SLC26A4: variants seen among roughly 807,000 people sequenced by gnomAD.
SLC26A4 encodes pendrin.
A neutral mutation model predicts 90.4 loss-of-function variants in SLC26A4; 93 were observed. The ratio of observed to expected loss-of-function variants is 1.03; its 90% CI spans 0.87 to 1.22. The LOEUF is 1.22. Ranked by LOEUF, SLC26A4 falls within the 50% of genes most tolerant of loss-of-function variation. SLC26A4 has a pLI of 0.00. For missense variants in SLC26A4, 1,127 were observed against 946.2 expected (o/e 1.19, Z -2.51); for synonymous variants, 393 against 354.6 (o/e 1.11, Z -1.22).
chr7:107,715,960 T>C lies in SLC26A4; in HGVS notation c.*514T>C, dbSNP rs1157771876. 6.5e-6 allele frequency: 1 copy of C among 155,006 alleles called. No individual in the cohort carries two copies. The highest frequency in any genetic ancestry group is 1.4e-5 in the Non-Finnish European group (1 of 69,600). The allele number at this position is 155,006 out of a possible 1,614,324, so 9.6% of individuals were successfully genotyped here. The stretch of plus-strand genomic sequence containing the variant: ...TACTTTGGATAATAAATTGGAGTTT[T>C]AAAAATGCAAATTTGCTTAGTATCT... On this transcript the variant is annotated 3_prime_UTR_variant, in exon 21 of 21. Transcript: ENST00000644269.
rs533011328 is a variant in SLC26A4 at position 107,693,943 on chromosome 7, G to A, written c.1264-460G>A. Among the ~76,000 whole-genome samples, 257 of 152,300 alleles carry A rather than the reference G, an allele frequency of 1.7e-3. 1 individual carries two copies. The highest frequency in any genetic ancestry group is 3.7e-3 in the Admixed American group (56 of 15,292). On this transcript the variant is annotated intron_variant, in intron 10 of 20. Transcript: ENST00000644269. Reference sequence around the variant, plus strand: ...ACAAGTACGAAGTGTTATCAGAGTTGCTATTATAGCTGCAGCTTCAATAAT... The same window carrying A: ...ACAAGTACGAAGTGTTATCAGAGTTACTATTATAGCTGCAGCTTCAATAAT...
chr7:107,674,912 C>T, intron 5 of SLC26A4, 33 bp from the exon 6 acceptor site: 1 of 1,605,280 alleles, frequency 6.2e-7, no homozygotes, highest in East Asian at 2.2e-5. Context: ...CTCAGGCAAA[C>T]ATTTAATTTT....
intron 3 of SLC26A4, 132 bp downstream of exon 3, chr7:107,663,567 G>A: frequency 1.0e-6 from 1 of 977,998 alleles, no homozygotes; most frequent in Non-Finnish European, 1.6e-6. Flanking sequence ...CCCCTTAGTG[G>A]AGAGAGTCAC....
intron 10 of SLC26A4, 89 bp from the exon 11 acceptor site, chr7:107,694,314 G>C: frequency 1.1e-6 from 1 of 946,366 alleles, no homozygotes; most frequent in Non-Finnish European, 1.7e-6. Flanking sequence ...GTGTGTCTGT[G>C]AACAGGCTGT....
At chr7:107,670,687 A>C (rs1216449057) in intron 3 of SLC26A4, among the ~76,000 whole-genome samples, 3 of 152,176 alleles carry the variant, frequency 2.0e-5, no homozygotes, top group Non-Finnish European at 4.4e-5. Context: ...CAGCATATTC[A>C]GGCTGTTGCC....
At chr7:107,670,769 A>AT (rs747654026) in intron 3 of SLC26A4, among the ~76,000 whole-genome samples, 22 of 152,196 alleles carry the variant, frequency 1.4e-4, no homozygotes, top group Non-Finnish European at 2.9e-4. Context: ...ATTTTCTCTC[A>AT]TTGTGAGTGA....
In SLC26A4 at chr7:107,694,449, C is replaced by A. The variant is rs778968026; in HGVS notation, c.1310C>A (p.Ala437Asp). ...SAAIVMIAIL[A>D]LGKLLEPLQK... ...GCGATTGTGATGATCGCCATTCTTG[C>A]CCTGGGGAAGCTTCTGGAACCCTTG... is the stretch of plus-strand genomic sequence containing the variant. The change falls in exon 11 of 21, where the codon GCC becomes GAC. Residue 437 changes from alanine (A) to aspartate (D), a missense_variant. By Grantham distance (126) the Ala-to-Asp change is moderately radical (BLOSUM62 -2). Coordinates refer to ENST00000644269, the MANE Select transcript of SLC26A4 (RefSeq NM_000441.2). 6.2e-7 allele frequency: 1 copy of A among 1,613,624 alleles called. No homozygotes were observed. The highest frequency in any genetic ancestry group is 1.7e-5 in the Admixed American group (1 of 59,980).
At chr7:107,713,638 C>T (rs76784711) in intron 20 of SLC26A4, among the ~76,000 whole-genome samples, 2,184 of 152,306 alleles carry the variant, frequency 0.014, 41 homozygotes, top group African/African-American at 0.05. Context: ...GGAGATTATT[C>T]AACCATGACC....
intron 3 of SLC26A4, among the ~76,000 whole-genome samples, chr7:107,670,025 A>T (rs987730875): frequency 1.3e-5 from 2 of 152,070 alleles, no homozygotes; most frequent in African/African-American, 4.8e-5. Context: ...TAGATGATGG[A>T]TACATGAAAG....
chr7:107,717,154 G>C lies in SLC26A4; in HGVS notation c.*1708G>C, dbSNP rs1183087575. Reference sequence around the variant, plus strand: ...GGGTGGATCACGAGGTCAGGAGATCGAGACCATCCTGGCTAACATGGTAAA... The same window carrying C: ...GGGTGGATCACGAGGTCAGGAGATCCAGACCATCCTGGCTAACATGGTAAA... On this transcript the variant is annotated 3_prime_UTR_variant, in exon 21 of 21. Transcript: ENST00000644269. The C allele has an allele frequency of 1.3e-5, 2 of 152,014 alleles. No homozygotes were observed. Among genetic ancestry groups the C allele is most frequent in the Non-Finnish European group, 2.9e-5 (2 of 68,016 alleles). 9.4% of individuals were successfully genotyped at this position (152,014 alleles called of 1,614,324 possible).
At chr7:107,690,333 T>G in intron 10 of SLC26A4, 96 bp downstream of exon 10, 1 of 804,750 alleles carries the variant, frequency 1.2e-6, no homozygotes. Context: ...ACAATTTGCC[T>G]TTCAGACTTG....
intron 16 of SLC26A4, among the ~76,000 whole-genome samples, 160 bp downstream of exon 16, chr7:107,701,356 C>A (rs113982162): frequency 2.0e-5 from 3 of 152,156 alleles, no homozygotes; most frequent in African/African-American, 7.2e-5. Context: ...TATAGGCAAG[C>A]GGGAGTGGAA....
intron 6 of SLC26A4, among the ~76,000 whole-genome samples, chr7:107,681,489 C>T (rs1010201501): frequency 5.9e-5 from 9 of 152,014 alleles, no homozygotes; most frequent in Admixed American, 3.3e-4. Context: ...AAGTAAAATA[C>T]ATTTTATAAA....
At chr7:107,708,497 T>A (rs918843475) in intron 18 of SLC26A4, among the ~76,000 whole-genome samples, 1 of 152,164 alleles carries the variant, frequency 6.6e-6, no homozygotes, top group Non-Finnish European at 1.5e-5. Flanking sequence ...ATTTCCTTCA[T>A]AAGTCCATAT....
intron 12 of SLC26A4, 60 bp from the exon 13 acceptor site, chr7:107,695,873 A>T: frequency 3.4e-6 from 3 of 881,588 alleles, no homozygotes; most frequent in Admixed American, 1.7e-5. Flanking sequence ...ATAGGTAGTT[A>T]TCACATGATG....
rs1204924500 is a variant in SLC26A4 at position 107,714,141 on chromosome 7, G to T, written c.2320-1282G>T. On this transcript the variant is annotated intron_variant, in intron 20 of 20. Transcript: ENST00000644269. ...GGGTTTTGCCATGTTGTCCAGGCTG[G>T]TCTTGAACTCCTGACCTCAAGTAAT... 2.6e-5 allele frequency among the ~76,000 whole-genome samples: 4 copies of T among 152,004 alleles called. No individual in the cohort carries two copies. In the East Asian group the frequency reaches 7.7e-4, roughly 29 times the overall value.
intron 6 of SLC26A4, among the ~76,000 whole-genome samples, chr7:107,680,172 CTTA>C (rs1174713840): frequency 4.4e-5 from 5 of 114,712 alleles, no homozygotes; most frequent in African/African-American, 3.8e-5. Flanking sequence ...ATAATCTTAT[CTTA>C]TTATATAATA....
chr7:107,688,588 C>T (rs949192214), intron 8 of SLC26A4, among the ~76,000 whole-genome samples: 2 of 152,168 alleles, frequency 1.3e-5, no homozygotes, highest in African/African-American at 4.8e-5. Flanking sequence ...AAGGATTTTC[C>T]ACTGAGCTCT....
Position 107,713,906 on chromosome 7 carries a change from TTAG to T in SLC26A4, c.2319+1287_2319+1289del, listed in dbSNP as rs561223852. 4.6e-3 allele frequency among the ~76,000 whole-genome samples: 515 copies of T among 110,934 alleles called. 3 individuals are homozygous for T. Among genetic ancestry groups the T allele is most frequent in the African/African-American group, 0.018 (446 of 24,218 alleles). 72.8% of individuals were successfully genotyped at this position (110,934 alleles called of 152,430 possible). On this transcript the variant is annotated intron_variant, in intron 20 of 20. Coordinates refer to ENST00000644269, the MANE Select transcript of SLC26A4 (RefSeq NM_000441.2). ...TTACTGACATAATTTTGTATTATTA[TTAG>T]TATTATTATTATTATTATTATTTGT... is the stretch of plus-strand genomic sequence containing the variant.
Sources: allele counts gnomAD v4.1 joint callset (sites outside exome capture counted in the v4.1 genomes callset), GRCh38; gene constraint gnomAD v4.1.1; transcripts MANE v1.5; gene names NCBI Gene and HGNC (gene_info 2026-07-23, HGNC 2026-07-21).